ENKUR: variants seen among roughly 807,000 people sequenced by gnomAD.
The protein encoded by ENKUR is enkurin, TRPC channel interacting protein.
In ENKUR, 19 loss-of-function variants were observed where a neutral mutation model predicts 27.6. The ratio of observed to expected loss-of-function variants is 0.69; its 90% CI spans 0.48 to 1.01. The LOEUF (loss-of-function observed/expected upper bound fraction) is 1.01, where lower values mean the gene tolerates loss of function less well. Ranked by LOEUF, ENKUR falls within the 50% of genes least tolerant of loss-of-function variation. ENKUR has a pLI of 0.00. For missense variants in ENKUR, 312 were observed against 310.5 expected, an observed-to-expected ratio of 1.00 and a Z score of -0.04; for synonymous variants, 117 against 96.9, an observed-to-expected ratio of 1.21 and a Z score of -1.22.
intron 4 of ENKUR, among the ~76,000 whole-genome samples, chr10:24,988,682 A>G (rs915601445): frequency 3.9e-3 from 23 of 5,868 alleles, no homozygotes; most frequent in African/African-American, 0.012. Context: ...ATATATATAT[A>G]TATATATATA....
chr10:24,996,885 GT>G (rs1051696337), intron 2 of ENKUR, among the ~76,000 whole-genome samples: 1 of 152,148 alleles, frequency 6.6e-6, no homozygotes, highest in Non-Finnish European at 1.5e-5. Context: ...TTGTAGAAAG[GT>G]CTTTAAAGAG....
At chr10:25,057,557 T>C (rs374035438) in intron 2 of ENKUR, among the ~76,000 whole-genome samples, 1 of 152,166 alleles carries the variant, frequency 6.6e-6, no homozygotes, top group Non-Finnish European at 1.5e-5. Context: ...GGCTCCATAA[T>C]GTTTCCAGAC....
intron 1 of ENKUR, among the ~76,000 whole-genome samples, chr10:25,012,731 T>C: frequency 6.6e-6 from 1 of 152,328 alleles, no homozygotes; most frequent in East Asian, 1.9e-4. Flanking sequence ...TATATGCTTG[T>C]AGGCAGAAGG....
At chr10:25,000,519 T>C (rs2132697676) in intron 1 of ENKUR, among the ~76,000 whole-genome samples, 1 of 152,264 alleles carries the variant, frequency 6.6e-6, no homozygotes, top group Non-Finnish European at 1.5e-5. Context: ...GCATTTAGGA[T>C]TGTTATATCT....
rs1564337895 is a variant in ENKUR at position 24,995,807 on chromosome 10, C to T, written c.286G>A (p.Val96Ile). 1 of 1,613,994 alleles carries T rather than the reference C, an allele frequency of 6.2e-7. No homozygotes were observed. The highest frequency in any genetic ancestry group is 8.5e-7 in the Non-Finnish European group (1 of 1,179,988). Reference protein sequence around the residue: ...PAVPLKTDHPVMGIQSGKNFI... With the variant: ...PAVPLKTDHPIMGIQSGKNFI... Reference sequence around the variant, plus strand: ...TTTTTTCCACTCTGTATTCCCATGACAGGATGATCAGTCTTCAATGGCACA... The same window carrying T: ...TTTTTTCCACTCTGTATTCCCATGATAGGATGATCAGTCTTCAATGGCACA... Residue 96 changes from valine (V) to isoleucine (I), a missense_variant, in exon 3 of 6, where the codon GTC becomes ATC. Transcript: ENST00000331161.
intron 2 of ENKUR, among the ~76,000 whole-genome samples, chr10:25,040,345 A>C (rs1474919992): frequency 1.4e-5 from 2 of 147,506 alleles, no homozygotes; most frequent in African/African-American, 2.5e-5. Context: ...CACTTTAAAC[A>C]CTCTACCACA....
intron 2 of ENKUR, among the ~76,000 whole-genome samples, chr10:24,998,862 G>C (rs1850123638): frequency 1.3e-5 from 2 of 151,992 alleles, no homozygotes; most frequent in Admixed American, 6.6e-5. Context: ...ATAAGCATGG[G>C]GCCCTAAGCT....
intron 2 of ENKUR, among the ~76,000 whole-genome samples, chr10:25,057,692 C>T (rs1475838606): frequency 6.6e-6 from 1 of 152,110 alleles, no homozygotes; most frequent in African/African-American, 2.4e-5. Context: ...CAAGCACATA[C>T]AGAAAAGGGC....
chr10:25,038,696 C>T (rs909911586), intron 2 of ENKUR, among the ~76,000 whole-genome samples: 4 of 152,102 alleles, frequency 2.6e-5, no homozygotes, highest in African/African-American at 9.7e-5. Flanking sequence ...TTAATGTAAC[C>T]AGGAAGAATC....
At chr10:25,018,660 T>G (rs994277744), upstream of ENKUR, among the ~76,000 whole-genome samples, 13 of 64,722 alleles carry the variant, frequency 2.0e-4, no homozygotes, top group African/African-American at 5.4e-4. Flanking sequence ...ATGAGAGTTG[T>G]TTTTTTTTTT....
At chr10:25,007,484 G>C (rs1850341366) in intron 1 of ENKUR, among the ~76,000 whole-genome samples, 1 of 152,144 alleles carries the variant, frequency 6.6e-6, no homozygotes, top group African/African-American at 2.4e-5. Context: ...ACCCAGGCTG[G>C]AGTGCAGAGG....
At chr10:25,006,470 G>T (rs1850316814) in intron 1 of ENKUR, among the ~76,000 whole-genome samples, 1 of 152,050 alleles carries the variant, frequency 6.6e-6, no homozygotes, top group Admixed American at 6.6e-5. Flanking sequence ...AGAAGCATGG[G>T]AAGGATCTTT....
intron 4 of ENKUR, among the ~76,000 whole-genome samples, chr10:24,988,700 A>ATG (rs1564334712): frequency 2.0e-4 from 7 of 34,488 alleles, no homozygotes; most frequent in African/African-American, 7.9e-4. Flanking sequence ...ATATATATAT[A>ATG]TATATATATA....
intron 1 of ENKUR, among the ~76,000 whole-genome samples, chr10:25,009,324 G>A (rs996454844): frequency 6.6e-6 from 1 of 152,086 alleles, no homozygotes; most frequent in African/African-American, 2.4e-5. Flanking sequence ...AAGAGTTGTA[G>A]AGAGAATTTT....
chr10:25,014,959 CTT>C (rs1480825135), intron 1 of ENKUR, among the ~76,000 whole-genome samples: 2 of 152,150 alleles, frequency 1.3e-5, no homozygotes, highest in Non-Finnish European at 2.9e-5. Context: ...ACAAATGAAA[CTT>C]TATTCTAAAG....
At chr10:25,000,989 G>A (rs1850178171) in intron 1 of ENKUR, among the ~76,000 whole-genome samples, 1 of 151,994 alleles carries the variant, frequency 6.6e-6, no homozygotes, top group African/African-American at 2.4e-5. Flanking sequence ...AAGAATACTT[G>A]CATCCAACCC....
intron 2 of ENKUR, among the ~76,000 whole-genome samples, chr10:25,048,694 C>A (rs1851148799): frequency 6.6e-6 from 1 of 152,168 alleles, no homozygotes; most frequent in Middle Eastern, 3.4e-3. Flanking sequence ...CTCAGCCCTG[C>A]TTTTATGACT....
chr10:25,039,081 G>C (rs1851036046), intron 2 of ENKUR, among the ~76,000 whole-genome samples: 2 of 152,162 alleles, frequency 1.3e-5, no homozygotes, highest in South Asian at 4.1e-4. Context: ...TGTTACTGTG[G>C]ATTTTCAAAT....
chr10:25,003,506 C>A (rs1850242385), intron 1 of ENKUR, among the ~76,000 whole-genome samples: 1 of 152,186 alleles, frequency 6.6e-6, no homozygotes, highest in Non-Finnish European at 1.5e-5. Flanking sequence ...TGCGCCAAGC[C>A]TGTGTTTCTA....
Sources: allele counts gnomAD v4.1 joint callset (sites outside exome capture counted in the v4.1 genomes callset), GRCh38; gene constraint gnomAD v4.1.1; transcripts MANE v1.5; gene names NCBI Gene and HGNC (gene_info 2026-07-23, HGNC 2026-07-21).